The following RFX6 variants were observed in gnomAD, a reference collection of about 807,000 sequenced individuals.
RFX6 encodes the protein regulatory factor X6, also known as DNA-binding protein RFX6.
In RFX6, 50 loss-of-function variants were observed where a neutral mutation model predicts 110.8. The observed-to-expected ratio is 0.45, with a 90% CI of 0.36 to 0.57. The LOEUF (loss-of-function observed/expected upper bound fraction) is 0.57, where lower values mean the gene tolerates loss of function less well. Ranked by LOEUF, RFX6 falls within the 20% of genes least tolerant of loss-of-function variation. The probability of loss-of-function intolerance (pLI) is 0.00; values close to 1 mark genes in which losing one functional copy is unlikely to be tolerated. For missense variants in RFX6, 990 were observed against 1,127.0 expected (o/e 0.88, Z 1.74); for synonymous variants, 383 against 411.2 (o/e 0.93, Z 0.83).
intron 9 of RFX6, among the ~76,000 whole-genome samples, chr6:116,917,592 G>GT (rs540493256): frequency 1.5e-3 from 230 of 151,800 alleles, no homozygotes; most frequent in Non-Finnish European, 3.0e-3. Flanking sequence ...TAAGTGATCT[G>GT]TTTTTTTTAG....
At chr6:116,925,321 G>C in intron 15 of RFX6, 132 bp from the exon 16 acceptor site, 1 of 844,370 alleles carries the variant, frequency 1.2e-6, no homozygotes, top group Admixed American at 1.8e-5. Context: ...CACTTCCCAT[G>C]GGAAACATTG....
At chr6:116,909,589 T>G (rs566894647) in intron 6 of RFX6, among the ~76,000 whole-genome samples, 1 of 150,606 alleles carries the variant, frequency 6.6e-6, no homozygotes, top group African/African-American at 2.4e-5. Context: ...AACTATGCTA[T>G]TATATCAGTT....
intron 6 of RFX6, among the ~76,000 whole-genome samples, chr6:116,905,645 C>T (rs768111590): frequency 1.3e-4 from 19 of 151,594 alleles, no homozygotes; most frequent in Non-Finnish European, 2.2e-4. Context: ...CTCTGCCTCC[C>T]GTGTTCAAGC....
intron 4 of RFX6, among the ~76,000 whole-genome samples, chr6:116,893,078 C>CT (rs909377128): frequency 3.9e-5 from 6 of 152,076 alleles, no homozygotes; most frequent in Admixed American, 3.3e-4. Context: ...CCCTCATTCT[C>CT]TTTTTTACAT....
intron 10 of RFX6, among the ~76,000 whole-genome samples, chr6:116,918,682 T>A (rs1775526843): frequency 6.6e-6 from 1 of 151,792 alleles, no homozygotes; most frequent in African/African-American, 2.4e-5. Flanking sequence ...GGGTACAAAT[T>A]CATATAGGAC....
At chr6:116,915,745 C>T (rs1346685305) in intron 7 of RFX6, among the ~76,000 whole-genome samples, 1 of 151,756 alleles carries the variant, frequency 6.6e-6, no homozygotes, top group Admixed American at 6.6e-5. Flanking sequence ...AGGCATAAAA[C>T]TAGGATGTTA....
intron 11 of RFX6, among the ~76,000 whole-genome samples, chr6:116,919,541 T>C (rs181316146): frequency 1.0e-4 from 14 of 140,612 alleles, no homozygotes; most frequent in Non-Finnish European, 2.3e-4. Context: ...TTGGGTAATA[T>C]ACAATAGTTA....
chr6:116,921,907 TC>T, intron 12 of RFX6, 134 bp from the exon 13 acceptor site: 4 of 637,870 alleles, frequency 6.3e-6, no homozygotes, highest in Middle Eastern at 4.0e-4. Flanking sequence ...TTAATTCTTT[TC>T]ACACATTTAT....
intron 6 of RFX6, 149 bp downstream of exon 6, chr6:116,895,356 T>G (rs564917039): frequency 4.5e-5 from 25 of 552,312 alleles, no homozygotes; most frequent in African/African-American, 4.5e-4. Context: ...ACAGCTCAAT[T>G]AGATTTGGGA....
chr6:116,926,000 A>C (rs901816115), intron 16 of RFX6, among the ~76,000 whole-genome samples: 1 of 152,122 alleles, frequency 6.6e-6, no homozygotes, highest in East Asian at 1.9e-4. Flanking sequence ...GATTTTGAGG[A>C]GACTTTATTT....
At chr6:116,927,643 G>C (rs1450094557) in intron 17 of RFX6, 104 bp downstream of exon 17, 2 of 912,362 alleles carry the variant, frequency 2.2e-6, no homozygotes, top group South Asian at 2.8e-5. Flanking sequence ...TTCATTTAAG[G>C]CTTCCAAAGA....
At chr6:116,925,004 T>C (rs1203955520) in intron 15 of RFX6, among the ~76,000 whole-genome samples, 1 of 152,212 alleles carries the variant, frequency 6.6e-6, no homozygotes, top group Non-Finnish European at 1.5e-5. Context: ...CTGGAAACTC[T>C]GAAGTATACA....
At chr6:116,904,302 C>G (rs1336913568) in intron 6 of RFX6, among the ~76,000 whole-genome samples, 1 of 151,892 alleles carries the variant, frequency 6.6e-6, no homozygotes, top group Non-Finnish European at 1.5e-5. Context: ...TAAATAACTT[C>G]TTCCTGTTAG....
intron 7 of RFX6, among the ~76,000 whole-genome samples, chr6:116,915,336 G>A (rs1410521244): frequency 2.6e-5 from 4 of 152,100 alleles, no homozygotes; most frequent in African/African-American, 9.7e-5. Context: ...TGTTTAGTAA[G>A]GTCTTACTGG....
intron 4 of RFX6, among the ~76,000 whole-genome samples, chr6:116,889,463 G>C (rs942780053): frequency 7.9e-5 from 12 of 152,032 alleles, no homozygotes; most frequent in African/African-American, 2.9e-4. Context: ...AGCTGTATAG[G>C]GTAAATGACC....
intron 6 of RFX6, among the ~76,000 whole-genome samples, chr6:116,895,883 T>A (rs1774935366): frequency 6.6e-6 from 1 of 152,204 alleles, no homozygotes; most frequent in Non-Finnish European, 1.5e-5. Context: ...AATCTGGACC[T>A]GAGGTAAAGT....
intron 6 of RFX6, among the ~76,000 whole-genome samples, chr6:116,906,456 T>C (rs191223015): frequency 6.6e-6 from 1 of 152,304 alleles, no homozygotes; most frequent in African/African-American, 2.4e-5. Context: ...CTAGGCAGTA[T>C]TGCTATCTTA....
rs138998622 is a variant in RFX6, at chr6:116,923,344, G to A, written c.1555+120G>A. 363 of 725,810 alleles carry A rather than the reference G, an allele frequency of 5.0e-4. 1 individual carries two copies. In the African/African-American group the frequency reaches 5.7e-3, roughly 11 times the overall value. The allele number at this position is 725,810 out of a possible 1,614,324, so 45.0% of individuals were successfully genotyped here. A position where few individuals can be genotyped will look rare whatever the true frequency, so the allele number is the denominator to read the frequency against. Reference sequence around the variant, plus strand: ...CACTTCTTAAACTGTATCTGAATATGGAGCTATGAGAAAATGGTATTTATG... The same window carrying A: ...CACTTCTTAAACTGTATCTGAATATAGAGCTATGAGAAAATGGTATTTATG... On this transcript the variant is annotated intron_variant, in intron 14 of 18. Coordinates refer to ENST00000332958, the MANE Select transcript of RFX6 (RefSeq NM_173560.4).
chr6:116,895,708 C>T (rs1021198595), intron 6 of RFX6, among the ~76,000 whole-genome samples: 1 of 151,786 alleles, frequency 6.6e-6, no homozygotes, highest in Non-Finnish European at 1.5e-5. Flanking sequence ...GGCTTCCTCT[C>T]CACCCCCTCC....
Sources: gnomAD v4.1 joint callset for allele counts (sites outside exome capture counted in the v4.1 genomes callset) on GRCh38, gnomAD v4.1.1 for gene constraint, MANE v1.5 for transcripts, NCBI Gene and HGNC (gene_info 2026-07-23, HGNC 2026-07-21) for gene names.